USP34: variants seen among roughly 807,000 people sequenced by gnomAD.
USP34 encodes the protein ubiquitin carboxyl-terminal hydrolase 34.
USP34 carries 70 observed loss-of-function variants against 460.3 expected under a neutral mutation model. That is an observed-to-expected ratio of 0.15 (90% CI 0.13 to 0.19). The LOEUF is 0.19. Ranked by LOEUF, USP34 falls within the 10% of genes least tolerant of loss-of-function variation. The pLI is 1.00. For missense variants in USP34, 3,985 were observed against 4,236.2 expected (o/e 0.94, Z 1.65); for synonymous variants, 1,647 against 1,405.3 (o/e 1.17, Z -3.85).
intron 1 of USP34, among the ~76,000 whole-genome samples, chr2:61,430,170 G>A (rs555844352): frequency 6.6e-6 from 1 of 150,424 alleles, no homozygotes; most frequent in African/African-American, 2.5e-5. Context: ...AGCCAAGATC[G>A]TGCCACTGCA....
intron 67 of USP34, among the ~76,000 whole-genome samples, chr2:61,216,507 G>T (rs1320970502): frequency 2.0e-5 from 3 of 151,754 alleles, no homozygotes; most frequent in African/African-American, 7.3e-5. Flanking sequence ...GGCTGAGGCA[G>T]GAGAATGGTG....
rs559287513 is a variant in USP34 at position 61,188,955 on chromosome 2, T to C, written c.9988A>G (p.Arg3330Gly). 5.6e-6 allele frequency: 9 copies of C among 1,614,212 alleles called. No individual in the cohort carries two copies. In the South Asian group the frequency reaches 9.9e-5, roughly 18 times the overall value. Residue 3330 changes from arginine (R) to glycine (G), a missense_variant, in exon 79 of 80, where the codon AGA (arginine) becomes GGA (glycine). By Grantham distance (125) the Arg-to-Gly change is moderately radical. Around this residue, in one of 14 missense-constraint regions of USP34, gnomAD observed 506 missense variants for 439.0 expected, o/e 1.15. Transcript: ENST00000398571. ...LSKCRTCLQQ[R>G]NSLQEQEAKE... The stretch of plus-strand genomic sequence containing the variant: ...GCTTCTTGCTCTTGGAGTGAGTTTC[T>C]CTGTTGCAGACAAGTCCTGCATTTG...
At chr2:61,427,477 C>T (rs1043867003) in intron 1 of USP34, among the ~76,000 whole-genome samples, 1 of 152,166 alleles carries the variant, frequency 6.6e-6, no homozygotes, top group Non-Finnish European at 1.5e-5. Flanking sequence ...CATGACCTCA[C>T]CAAATGAACT....
At chr2:61,235,795 A>T in intron 57 of USP34, 50 bp downstream of exon 57, 1 of 1,561,216 alleles carries the variant, frequency 6.4e-7, no homozygotes, top group Non-Finnish European at 8.7e-7. Context: ...GAGGGGGGGA[A>T]AAAAAAAAGA....
At chr2:61,275,981 A>G (rs1689361883) in intron 41 of USP34, among the ~76,000 whole-genome samples, 1 of 152,262 alleles carries the variant, frequency 6.6e-6, no homozygotes, top group Admixed American at 6.5e-5. Flanking sequence ...AATATGATAT[A>G]AAGAGCTGAC....
intron 2 of USP34, chr2:61,417,393 T>C: frequency 2.0e-6 from 1 of 502,334 alleles, no homozygotes; most frequent in East Asian, 3.5e-5. Context: ...TCCGTAATCT[T>C]ACAGCCAAAG....
chr2:61,259,033 G>A (rs1217269946), intron 44 of USP34, among the ~76,000 whole-genome samples: 1 of 152,164 alleles, frequency 6.6e-6, no homozygotes, highest in African/African-American at 2.4e-5. Context: ...GCTGAGGCAG[G>A]CAGATCACTT....
intron 63 of USP34, 30 bp downstream of exon 63, chr2:61,223,218 C>G (rs1687638784): frequency 6.2e-7 from 1 of 1,613,390 alleles, no homozygotes; most frequent in Non-Finnish European, 8.5e-7. Context: ...TTGTGATGAT[C>G]AAATTGTCTA....
intron 2 of USP34, 140 bp downstream of exon 2, chr2:61,420,606 T>C (rs1694326777): frequency 2.1e-6 from 1 of 476,544 alleles, no homozygotes; most frequent in African/African-American, 2.0e-5. Flanking sequence ...TGAGTAAAGA[T>C]TTAATAAATA....
intron 67 of USP34, among the ~76,000 whole-genome samples, chr2:61,217,767 A>G (rs1424964509): frequency 1.3e-5 from 2 of 152,140 alleles, no homozygotes; most frequent in Non-Finnish European, 2.9e-5. Flanking sequence ...AGCCTGACCA[A>G]TACGGTGAAA....
At chr2:61,215,342 G>A (rs1318853186) in intron 67 of USP34, among the ~76,000 whole-genome samples, 2 of 152,106 alleles carry the variant, frequency 1.3e-5, no homozygotes, top group East Asian at 1.9e-4. Flanking sequence ...AAGTTATAAA[G>A]AAAGAATGAG....
In USP34 at chr2:61,300,807, A is replaced by AT. The variant is rs1450031992; in HGVS notation, c.4128+143_4128+144insA. 698 of 601,348 alleles carry AT rather than the reference A, an allele frequency of 1.2e-3. 2 individuals are homozygous for AT. The African/African-American group carries it at 0.013, about 11-fold the overall frequency. 37.3% of individuals were successfully genotyped at this position (601,348 alleles called of 1,614,324 possible). On this transcript the variant is annotated intron_variant, in intron 29 of 79. Coordinates refer to ENST00000398571, the MANE Select transcript of USP34 (RefSeq NM_014709.4). ...TGAGATGCCGTCTCAAAAAAAGAAA[A>AT]CAAAAAAAAAATGAACAAAAAAAAA...
intron 5 of USP34, among the ~76,000 whole-genome samples, chr2:61,390,339 A>G (rs939630510): frequency 3.9e-5 from 6 of 152,254 alleles, no homozygotes; most frequent in African/African-American, 1.4e-4. Flanking sequence ...GTAACTCAAC[A>G]AAAGTGAGAT....
intron 1 of USP34, among the ~76,000 whole-genome samples, chr2:61,455,672 T>C (rs995399075): frequency 6.6e-6 from 1 of 152,174 alleles, no homozygotes; most frequent in South Asian, 2.1e-4. Flanking sequence ...CAAAGTTTTC[T>C]CCCATCATCC....
intron 62 of USP34, among the ~76,000 whole-genome samples, chr2:61,225,078 A>G (rs1400274518): frequency 6.6e-6 from 1 of 152,194 alleles, no homozygotes; most frequent in Admixed American, 6.5e-5. Flanking sequence ...AGGTCTTTTC[A>G]GAAAACAGTG....
chr2:61,277,382 G>T lies in USP34; in HGVS notation c.5433+783C>A, dbSNP rs1017626686. Among the ~76,000 whole-genome samples, 3 of 151,990 alleles carry T rather than the reference G, an allele frequency of 2.0e-5. No homozygotes were observed. The East Asian group carries it at 5.8e-4, about 30-fold the overall frequency. ...CTCCTGAGTAGCTGAGACTACAGGT[G>T]TGTGCCACCACACCCAGCAAATTTT... On this transcript the variant is annotated intron_variant, in intron 41 of 79. Transcript: ENST00000398571.
intron 3 of USP34, among the ~76,000 whole-genome samples, chr2:61,405,498 T>C (rs960009212): frequency 1.2e-4 from 19 of 152,284 alleles, no homozygotes; most frequent in African/African-American, 2.9e-4. Flanking sequence ...CTGAGTTCAA[T>C]GTATAGATCT....
At chr2:61,414,994 G>C (rs1426234771) in intron 2 of USP34, among the ~76,000 whole-genome samples, 3 of 152,170 alleles carry the variant, frequency 2.0e-5, no homozygotes, top group Admixed American at 1.3e-4. Context: ...ACCAATTAGA[G>C]GTAATTTCAA....
intron 75 of USP34, chr2:61,193,984 G>T: frequency 2.7e-6 from 1 of 375,498 alleles, no homozygotes; most frequent in South Asian, 1.1e-4. Flanking sequence ...TAATTTTCAT[G>T]TCAGAAAATA....
Sources: gnomAD v4.1 joint callset for allele counts (sites outside exome capture counted in the v4.1 genomes callset) on GRCh38, gnomAD v4.1.1 for gene constraint, gnomAD v4.1.1 regional missense constraint, MANE v1.5 for transcripts, NCBI Gene and HGNC (gene_info 2026-07-23, HGNC 2026-07-21) for gene names.